Variants in ALG11 observed in about 807,000 individuals in gnomAD.
ALG11 encodes the protein ALG11 alpha-1,2-mannosyltransferase, also known as GDP-Man:Man(3)GlcNAc(2)-PP-Dol alpha-1,2-mannosyltransferase.
Under a neutral mutation model 38.8 loss-of-function variants are expected in ALG11, and 26 were observed. The observed-to-expected ratio is 0.67, with a 90% CI of 0.49 to 0.93. ALG11 has a LOEUF of 0.93. Ranked by LOEUF, ALG11 falls within the 40% of genes least tolerant of loss-of-function variation. ALG11 has a pLI of 0.00. For synonymous variants in ALG11, 199 were observed against 211.6 expected, an observed-to-expected ratio of 0.94 and a Z score of 0.52; for missense variants, 535 against 578.8, an observed-to-expected ratio of 0.92 and a Z score of 0.78.
chr13:52,030,776 A>G lies in ALG11; in HGVS notation c.*2186A>G. 6.2e-7 allele frequency: 1 copy of G among 1,614,234 alleles called. No homozygotes were observed. On this transcript the variant is annotated 3_prime_UTR_variant, in exon 4 of 4. Coordinates refer to ENST00000521508, the MANE Select transcript of ALG11 (RefSeq NM_001004127.3). The stretch of plus-strand genomic sequence containing the variant: ...CATTAAAGCCCCTGAGGGTCCTCCA[A>G]GAAAAGATAAGAATTTGCCAAATGT...
chr13:52,029,168 G>GA lies in ALG11; in HGVS notation c.*584dup. ...GGTGGTGGAGTTACCTCTTAACAAA[G>GA]AAAAAATTGAACAGATCCACAGAGA... On this transcript the variant is annotated 3_prime_UTR_variant, in exon 4 of 4. Transcript: ENST00000521508. The GA allele has an allele frequency of 1.9e-6, 3 of 1,614,120 alleles. No homozygotes were observed. The highest frequency in any genetic ancestry group is 1.6e-4 in the Middle Eastern group (1 of 6,062).
intron 1 of ALG11, among the ~76,000 whole-genome samples, chr13:52,014,661 A>G (rs1954120046): frequency 6.6e-6 from 1 of 152,010 alleles, no homozygotes; most frequent in Non-Finnish European, 1.5e-5. Context: ...CAGCCTCCCA[A>G]AATGTTGGGA....
In ALG11 at chr13:52,024,911, C is replaced by T; in HGVS notation, c.1181C>T (p.Thr394Ile). ...TCTGAAGCAACAATTGGTCTGCATA[C>T]CATGTGGAACGAGCATTTTGGGATT... ...YLSEATIGLH[T>I]MWNEHFGIGV... The change falls in exon 3 of 4, where the codon ACC becomes ATC. Residue 394 changes from threonine (T) to isoleucine (I), a missense_variant. Thr to Ile is a moderately conservative substitution (Grantham distance 89). Coordinates refer to ENST00000521508, the MANE Select transcript of ALG11 (RefSeq NM_001004127.3). 1 of 1,611,154 alleles carries T rather than the reference C, an allele frequency of 6.2e-7. No homozygotes were observed. The highest frequency in any genetic ancestry group is 8.5e-7 in the Non-Finnish European group (1 of 1,180,002).
intron 3 of ALG11, among the ~76,000 whole-genome samples, chr13:52,027,067 C>T (rs1488329735): frequency 6.6e-6 from 1 of 152,090 alleles, no homozygotes; most frequent in African/African-American, 2.4e-5. Context: ...GCACAGATTC[C>T]GATGCTGCCC....
In ALG11 at chr13:52,029,403, A is replaced by T; in HGVS notation, c.*813A>T. 6.2e-7 allele frequency: 1 copy of T among 1,614,160 alleles called. No homozygotes were observed. The highest frequency in any genetic ancestry group is 8.5e-7 in the Non-Finnish European group (1 of 1,180,040). On this transcript the variant is annotated 3_prime_UTR_variant, in exon 4 of 4. Coordinates refer to ENST00000521508, the MANE Select transcript of ALG11 (RefSeq NM_001004127.3). Reference sequence around the variant, plus strand: ...CATAAGAACAAGCAGCCAGTGACAGATCCTTTACTGACTCCCATGGAAAAG... The same window carrying T: ...CATAAGAACAAGCAGCCAGTGACAGTTCCTTTACTGACTCCCATGGAAAAG...
At position 52,024,036 on chromosome 13, in the gene ALG11, C is replaced by T. The variant is rs762974051; in HGVS notation, c.306C>T (p.Thr102=). The T allele has an allele frequency of 2.9e-5, 46 of 1,613,944 alleles. No homozygotes were observed. Among genetic ancestry groups the T allele is most frequent in the Non-Finnish European group, 3.5e-5 (41 of 1,179,964 alleles). Residue 102 remains threonine, a synonymous_variant, in exon 3 of 4, where the codon ACC becomes ACT. Transcript: ENST00000521508. ...CTGAAGCAGTTTATGTTGTTTATAC[C>T]GGCGATGTTAATGTCAACGGTCAAC... ...KYPEAVYVVY[T]GDVNVNGQQI...
chr13:52,018,508 C>T (rs775194071), intron 1 of ALG11, among the ~76,000 whole-genome samples: 3 of 152,228 alleles, frequency 2.0e-5, no homozygotes, highest in East Asian at 1.9e-4. Context: ...GAATATTGAT[C>T]GTTCAAAAGA....
Position 52,028,351 on chromosome 13 carries a change from A to T in ALG11, c.1240A>T (p.Ile414Phe), listed in dbSNP as rs748252848. Residue 414 changes from isoleucine (I) to phenylalanine (F), a missense_variant, in exon 4 of 4, where the codon ATC (isoleucine) becomes TTC (phenylalanine). Ile to Phe is a conservative substitution (Grantham distance 21, BLOSUM62 0). Coordinates refer to ENST00000521508, the MANE Select transcript of ALG11 (RefSeq NM_001004127.3). ...GGAGTGTATGGCAGCTGGCACAATTATCCTTGCACACAATTCGGGGGGCCC... is the reference window on the plus strand; with the variant it reads ...GGAGTGTATGGCAGCTGGCACAATTTTCCTTGCACACAATTCGGGGGGCCC... Reference protein sequence around the residue: ...VVECMAAGTIILAHNSGGPKL... With the variant: ...VVECMAAGTIFLAHNSGGPKL... The T allele has an allele frequency of 1.9e-6, 3 of 1,614,156 alleles. No individual in the cohort carries two copies. The highest frequency in any genetic ancestry group is 2.5e-6 in the Non-Finnish European group (3 of 1,180,026).
rs961062248 is a variant in ALG11, at chr13:52,018,257, T to C, written c.45-656T>C. Among the ~76,000 whole-genome samples, 4 of 152,194 alleles carry C rather than the reference T, an allele frequency of 2.6e-5. No individual in the cohort carries two copies. In the South Asian group the frequency reaches 8.3e-4, roughly 32 times the overall value. On this transcript the variant is annotated intron_variant, in intron 1 of 3. Coordinates refer to ENST00000521508, the MANE Select transcript of ALG11 (RefSeq NM_001004127.3). ...GACCTGACAGCAATGGAGAACCTTTTAACAGTCACTTTGTGAATGAGTTTA... is the reference window on the plus strand; with the variant it reads ...GACCTGACAGCAATGGAGAACCTTTCAACAGTCACTTTGTGAATGAGTTTA...
chr13:52,027,422 A>G (rs370333862), intron 3 of ALG11, among the ~76,000 whole-genome samples: 25 of 152,242 alleles, frequency 1.6e-4, no homozygotes, highest in African/African-American at 6.0e-4. Context: ...GCAGAATATG[A>G]TATGAGCTAC....
In ALG11 at chr13:52,024,434, TCTA is replaced by T; in HGVS notation, c.711_713del (p.Tyr238del). 1 of 1,613,992 alleles carries T rather than the reference TCTA, an allele frequency of 6.2e-7. No homozygotes were observed. Reference sequence around the variant, plus strand: ...CCTTTTCTCAGCAAAGTAAAGCTCATCTACTACTATTTATTTGCTTTTATTTAT... The same window carrying T: ...CCTTTTCTCAGCAAAGTAAAGCTCATCTACTATTTATTTGCTTTTATTTAT... On this transcript the variant is annotated inframe_deletion, in exon 3 of 4. Transcript: ENST00000521508.
chr13:52,019,338 C>T (rs968261671), intron 2 of ALG11, among the ~76,000 whole-genome samples, 195 bp downstream of exon 2: 10 of 150,256 alleles, frequency 6.7e-5, no homozygotes, highest in Non-Finnish European at 1.5e-4. Context: ...TCTCCTGCCT[C>T]GGCCTCCCGA....
Position 52,029,124 on chromosome 13 carries a change from A to AAT in ALG11, c.*534_*535insAT. The AAT allele has an allele frequency of 6.2e-7, 1 of 1,614,246 alleles. No individual in the cohort carries two copies. Among genetic ancestry groups the AAT allele is most frequent in the Non-Finnish European group, 8.5e-7 (1 of 1,180,046 alleles). On this transcript the variant is annotated 3_prime_UTR_variant, in exon 4 of 4. Transcript: ENST00000521508. ...TTGGCCACTGTAAAAAAGCAACTGA[A>AAT]TAGAGTCAAATCAAAGAAGGTGGTG...
chr13:52,018,467 A>G (rs1954153560), intron 1 of ALG11, among the ~76,000 whole-genome samples: 1 of 152,232 alleles, frequency 6.6e-6, no homozygotes, highest in Non-Finnish European at 1.5e-5. Flanking sequence ...GATGGAATGA[A>G]AAAGATTTAC....
At chr13:52,027,862 T>G (rs963903599) in intron 3 of ALG11, among the ~76,000 whole-genome samples, 1 of 152,264 alleles carries the variant, frequency 6.6e-6, no homozygotes, top group African/African-American at 2.4e-5. Context: ...CCTGTTAATA[T>G]TCTACCATCT....
intron 1 of ALG11, chr13:52,016,974 G>A (rs1261851790): frequency 6.6e-6 from 1 of 152,302 alleles, no homozygotes; most frequent in Non-Finnish European, 1.5e-5. Flanking sequence ...GCAGCCAGGA[G>A]GGAGGCTGTA....
chr13:52,024,249 T>A lies in ALG11; in HGVS notation c.519T>A (p.Ile173=). 1 of 1,614,216 alleles carries A rather than the reference T, an allele frequency of 6.2e-7. No individual in the cohort carries two copies. Among genetic ancestry groups the A allele is most frequent in the Non-Finnish European group, 8.5e-7 (1 of 1,180,030 alleles). The change falls in exon 3 of 4, where the codon ATT becomes ATA. Residue 173 remains isoleucine, a synonymous_variant. Coordinates refer to ENST00000521508, the MANE Select transcript of ALG11 (RefSeq NM_001004127.3). The stretch of plus-strand genomic sequence containing the variant: ...TGCAGTGTGTTCCTGATGTTTACAT[T>A]GATTCAATGGGATACGCTTTTACGC... The part of the protein sequence containing the change: ...ALMQCVPDVY[I]DSMGYAFTLP...
In ALG11 at chr13:52,028,906, G is replaced by A. The variant is rs1459311551; in HGVS notation, c.*316G>A. On this transcript the variant is annotated 3_prime_UTR_variant, in exon 4 of 4. Transcript: ENST00000521508. ...CCTTGAGTGAAAATGAAGATGAGGG[G>A]GACAGTGATGGAGAGAGAAAGCATC... 6.2e-7 allele frequency: 1 copy of A among 1,614,166 alleles called. No individual in the cohort carries two copies. The highest frequency in any genetic ancestry group is 1.1e-5 in the South Asian group (1 of 91,080).
chr13:52,033,577 T>TTTGTC lies in ALG11; in HGVS notation c.*4991_*4995dup, dbSNP rs1954328233. On this transcript the variant is annotated 3_prime_UTR_variant, in exon 4 of 4. Transcript: ENST00000521508. ...ATTAAAGAAGAAACAAAAATAAAAG[T>TTTGTC]TTGTCTTGCTTGTGAAACATTAAGA... 1 of 166,892 alleles carries TTTGTC rather than the reference T, an allele frequency of 6.0e-6. No individual in the cohort carries two copies. The highest frequency in any genetic ancestry group is 6.5e-5 in the Admixed American group (1 of 15,268). The allele number at this position is 166,892 out of a possible 1,614,324, so 10.3% of individuals were successfully genotyped here. A position where few individuals can be genotyped will look rare whatever the true frequency, so the allele number is the denominator to read the frequency against.
Sources: gnomAD v4.1 joint callset for allele counts (sites outside exome capture counted in the v4.1 genomes callset) on GRCh38, gnomAD v4.1.1 for gene constraint, MANE v1.5 for transcripts, NCBI Gene and HGNC (gene_info 2026-07-23, HGNC 2026-07-21) for gene names.